ENTHD1: variants seen among roughly 807,000 people sequenced by gnomAD.
ENTHD1 encodes ENTH domain containing 1, also known as ENTH domain-containing protein 1.
A neutral mutation model predicts 39.1 loss-of-function variants in ENTHD1; 23 were observed. The observed-to-expected ratio is 0.59, with a 90% CI of 0.42 to 0.83. The LOEUF is 0.83. Among genes scored for constraint, ENTHD1 ranks in the 40% least tolerant of loss-of-function variants. The pLI, the probability that ENTHD1 is intolerant of heterozygous loss-of-function variation, is 0.00. For synonymous variants in ENTHD1, 230 were observed against 258.2 expected (o/e 0.89, Z 1.05); for missense variants, 624 against 705.4 (o/e 0.88, Z 1.31).
intron 5 of ENTHD1, among the ~76,000 whole-genome samples, chr22:39,805,715 T>G (rs748458173): frequency 3.9e-5 from 6 of 152,300 alleles, no homozygotes; most frequent in Middle Eastern, 6.8e-3. Flanking sequence ...CAGGAAATCC[T>G]GAATTGACTG....
chr22:39,865,631 C>T lies in ENTHD1; in HGVS notation c.350-3624G>A, dbSNP rs188090052. 1.6e-3 allele frequency among the ~76,000 whole-genome samples: 240 copies of T among 152,276 alleles called. 2 individuals carry two copies. Among genetic ancestry groups the T allele is most frequent in the African/African-American group, 5.2e-3 (218 of 41,544 alleles). ...GTTGGAAGTAGAAAACATGGATTCTCTGAAATCAGAAATTAAACTAGTCCA... is the reference window on the plus strand; with the variant it reads ...GTTGGAAGTAGAAAACATGGATTCTTTGAAATCAGAAATTAAACTAGTCCA... On this transcript the variant is annotated intron_variant, in intron 2 of 6. Transcript: ENST00000325157.
intron 1 of ENTHD1, among the ~76,000 whole-genome samples, chr22:39,891,479 T>TG (rs887299553): frequency 9.2e-5 from 14 of 151,860 alleles, no homozygotes; most frequent in Admixed American, 6.5e-4. Flanking sequence ...TAATCACTTT[T>TG]TTTTTTTTTT....
chr22:39,823,090 C>T (rs1242780219), intron 4 of ENTHD1, among the ~76,000 whole-genome samples: 1 of 152,166 alleles, frequency 6.6e-6, no homozygotes, highest in African/African-American at 2.4e-5. Context: ...ATAGTTGTGA[C>T]ATTTGAAGAA....
intron 6 of ENTHD1, among the ~76,000 whole-genome samples, chr22:39,753,797 T>A (rs950117218): frequency 6.6e-6 from 1 of 152,190 alleles, no homozygotes; most frequent in African/African-American, 2.4e-5. Context: ...CATCACTCAG[T>A]ACTGCCCTCC....
intron 6 of ENTHD1, among the ~76,000 whole-genome samples, chr22:39,760,181 A>T (rs570415524): frequency 1.3e-5 from 2 of 152,032 alleles, no homozygotes; most frequent in African/African-American, 2.4e-5. Flanking sequence ...TACTTTCTAC[A>T]TACTCATGGA....
intron 5 of ENTHD1, among the ~76,000 whole-genome samples, chr22:39,783,471 T>G (rs1266418439): frequency 6.6e-6 from 1 of 152,000 alleles, no homozygotes; most frequent in East Asian, 1.9e-4. Flanking sequence ...AGAATAAAGC[T>G]GAAGGCATCA....
At chr22:39,871,064 G>A (rs1276799913) in intron 2 of ENTHD1, among the ~76,000 whole-genome samples, 1 of 151,870 alleles carries the variant, frequency 6.6e-6, no homozygotes, top group Non-Finnish European at 1.5e-5. Context: ...AACACTTGTA[G>A]TCCCCACTAC....
chr22:39,794,358 A>G (rs1261006437), intron 5 of ENTHD1, among the ~76,000 whole-genome samples: 1 of 152,148 alleles, frequency 6.6e-6, no homozygotes, highest in Non-Finnish European at 1.5e-5. Context: ...TTTTTTTGGT[A>G]GAGTCTTTAG....
At chr22:39,821,249 CATCT>C (rs1381816085) in intron 4 of ENTHD1, 136 bp from the exon 5 acceptor site, 16 of 1,117,588 alleles carry the variant, frequency 1.4e-5, no homozygotes, top group Non-Finnish European at 1.9e-5. Context: ...CTCAAACATA[CATCT>C]ATCACTTGGC....
intron 2 of ENTHD1, among the ~76,000 whole-genome samples, chr22:39,862,404 T>C (rs1004072069): frequency 6.6e-6 from 1 of 151,928 alleles, no homozygotes; most frequent in East Asian, 1.9e-4. Flanking sequence ...AAAAACTAGC[T>C]GGGCATGGTG....
intron 3 of ENTHD1, among the ~76,000 whole-genome samples, chr22:39,858,649 G>A (rs1160819364): frequency 1.3e-5 from 2 of 152,168 alleles, no homozygotes; most frequent in African/African-American, 4.8e-5. Flanking sequence ...CTTGATCCAT[G>A]GGCTGAAGAA....
At chr22:39,890,088 ACT>A (rs2066414181) in intron 1 of ENTHD1, among the ~76,000 whole-genome samples, 1 of 147,210 alleles carries the variant, frequency 6.8e-6, no homozygotes, top group African/African-American at 2.6e-5. Flanking sequence ...ATAGAGTGAG[ACT>A]CTGTCTCAAA....
chr22:39,838,439 T>C (rs2065921507), intron 3 of ENTHD1, among the ~76,000 whole-genome samples: 1 of 152,136 alleles, frequency 6.6e-6, no homozygotes, highest in African/African-American at 2.4e-5. Context: ...ATTCATAGAA[T>C]TGACTGACAC....
intron 5 of ENTHD1, among the ~76,000 whole-genome samples, chr22:39,810,603 T>C (rs2065677793): frequency 6.6e-6 from 1 of 152,228 alleles, no homozygotes; most frequent in South Asian, 2.1e-4. Context: ...TTCAAAGTTG[T>C]AGGGGTAGTG....
At chr22:39,779,638 A>G (rs1181611474) in intron 5 of ENTHD1, among the ~76,000 whole-genome samples, 2 of 152,194 alleles carry the variant, frequency 1.3e-5, no homozygotes, top group African/African-American at 4.8e-5. Context: ...CTAATACTGT[A>G]ACTGTGTTGT....
chr22:39,817,093 T>G (rs1335391139), intron 5 of ENTHD1, among the ~76,000 whole-genome samples: 1 of 152,126 alleles, frequency 6.6e-6, no homozygotes, highest in Non-Finnish European at 1.5e-5. Context: ...TTTACCCAAG[T>G]GATAAAAACA....
At chr22:39,813,981 C>T (rs944258323) in intron 5 of ENTHD1, among the ~76,000 whole-genome samples, 2 of 151,712 alleles carry the variant, frequency 1.3e-5, no homozygotes, top group Non-Finnish European at 2.9e-5. Flanking sequence ...GTACCTAGGA[C>T]TAAACCTAAC....
intron 5 of ENTHD1, among the ~76,000 whole-genome samples, chr22:39,778,760 C>T (rs1402745818): frequency 6.6e-6 from 1 of 152,112 alleles, no homozygotes; most frequent in East Asian, 1.9e-4. Flanking sequence ...ATATGACTTA[C>T]AGGACTATAC....
In ENTHD1 at chr22:39,861,832, G is replaced by A. The variant is rs1196083960; in HGVS notation, c.525C>T (p.Pro175=). The change falls in exon 3 of 7, where the codon CCC becomes CCT. Residue 175 remains proline, a synonymous_variant. Transcript: ENST00000325157. ...TCTCTGAAGCAGAAATATCCGGTGT[G>A]GGGGCAGAAGTGCACGCTGTCAGTG... ...SNSLTACTSA[P]TPDISASEKK... The A allele has an allele frequency of 3.1e-6, 5 of 1,597,946 alleles. No individual in the cohort carries two copies. The highest frequency in any genetic ancestry group is 4.3e-6 in the Non-Finnish European group (5 of 1,169,658).
Sources: allele counts gnomAD v4.1 joint callset (sites outside exome capture counted in the v4.1 genomes callset), GRCh38; gene constraint gnomAD v4.1.1; transcripts MANE v1.5; gene names NCBI Gene and HGNC (gene_info 2026-07-23, HGNC 2026-07-21).